The following ITPR1 variants were observed in gnomAD, a reference collection of about 807,000 sequenced individuals.
ITPR1 encodes the protein inositol 1,4,5-trisphosphate receptor type 1.
Under a neutral mutation model 318.4 loss-of-function variants are expected in ITPR1, and 96 were observed. The observed-to-expected ratio is 0.30, with a 90% CI of 0.26 to 0.36. The LOEUF is 0.36. ITPR1 is among the 10% of genes least tolerant of loss of function. The probability of loss-of-function intolerance (pLI) is 1.00; values close to 1 mark genes in which losing one functional copy is unlikely to be tolerated. For missense variants in ITPR1, 2,440 were observed against 3,460.2 expected (o/e 0.71, Z 7.40); for synonymous variants, 1,312 against 1,289.9 (o/e 1.02, Z -0.37).
At chr3:4,562,985 C>T (rs1253751079) in intron 4 of ITPR1, among the ~76,000 whole-genome samples, 45 of 152,034 alleles carry the variant, frequency 3.0e-4, no homozygotes, top group Admixed American at 2.9e-3. Context: ...CTAGATAGGG[C>T]AGTTAGGGAA....
chr3:4,788,830 C>T (rs116503962), intron 52 of ITPR1, among the ~76,000 whole-genome samples: 3,973 of 152,282 alleles, frequency 0.026, 60 homozygotes, highest in Non-Finnish European at 0.039. Context: ...TGATTTCTAT[C>T]TGTTCATCAG....
chr3:4,802,466 T>C (rs1027515904), intron 54 of ITPR1, among the ~76,000 whole-genome samples: 5 of 151,918 alleles, frequency 3.3e-5, no homozygotes, highest in Admixed American at 3.3e-4. Context: ...TTTGATTAGG[T>C]TTGAGAAGCC....
chr3:4,589,581 A>T (rs1484557938), intron 4 of ITPR1, among the ~76,000 whole-genome samples: 1 of 152,028 alleles, frequency 6.6e-6, no homozygotes, highest in Non-Finnish European at 1.5e-5. Flanking sequence ...CTAGTAGTGG[A>T]TCTCCTTGTT....
At chr3:4,774,424 A>G (rs144527973) in intron 46 of ITPR1, among the ~76,000 whole-genome samples, 98 of 152,296 alleles carry the variant, frequency 6.4e-4, no homozygotes, top group African/African-American at 2.2e-3. Flanking sequence ...ATCTTTTCCT[A>G]TTGCCCATTT....
intron 44 of ITPR1, among the ~76,000 whole-genome samples, chr3:4,764,263 T>C (rs2045657633): frequency 6.6e-6 from 1 of 152,252 alleles, no homozygotes; most frequent in Non-Finnish European, 1.5e-5. Flanking sequence ...TGAGCAATTT[T>C]CTAGAATTCA....
intron 54 of ITPR1, 111 bp from the exon 55 acceptor site, chr3:4,805,992 C>T (rs969272971): frequency 9.0e-6 from 8 of 893,588 alleles, no homozygotes; most frequent in South Asian, 6.0e-5. Flanking sequence ...GAAAAGGAAG[C>T]GTTTGTTTGG....
At position 4,766,695 on chromosome 3, in the gene ITPR1, C is replaced by T. The variant is rs2045839852; in HGVS notation, c.5710C>T (p.Pro1904Ser). The T allele has an allele frequency of 1.9e-6, 3 of 1,596,590 alleles. No individual in the cohort carries two copies. Among genetic ancestry groups the T allele is most frequent in the East Asian group, 4.5e-5 (2 of 44,658 alleles). ...KKDDEVDRDA[P>S]SRKKAKEPTT... ...AGACGATGAGGTAGACAGGGATGCCCCATCACGGAAAAAAGGTAAATGTTC... is the reference window on the plus strand; with the variant it reads ...AGACGATGAGGTAGACAGGGATGCCTCATCACGGAAAAAAGGTAAATGTTC... The change falls in exon 45 of 62, where the codon CCA becomes TCA. Residue 1904 changes from proline (P) to serine (S), a missense_variant. Transcript: ENST00000649015.
chr3:4,771,961 G>C (rs2046218624), intron 46 of ITPR1, among the ~76,000 whole-genome samples: 1 of 152,130 alleles, frequency 6.6e-6, no homozygotes, highest in African/African-American at 2.4e-5. Flanking sequence ...ATTGTAGGGA[G>C]CCCCCAGGGT....
chr3:4,529,775 G>A lies in ITPR1; in HGVS notation c.163+8681G>A, dbSNP rs114360045. On this transcript the variant is annotated intron_variant, in intron 4 of 61. Transcript: ENST00000649015. ...AAATGCAAATAATAGTGAATACCTT[G>A]TGTAGTGCTAAGAGACATTAGTGAA... is the stretch of plus-strand genomic sequence containing the variant. Among the ~76,000 whole-genome samples, 963 of 152,312 alleles carry A rather than the reference G, an allele frequency of 6.3e-3. 7 individuals are homozygous for A. The highest frequency in any genetic ancestry group is 0.022 in the African/African-American group (923 of 41,566).
chr3:4,739,894 A>G (rs1322273083), intron 44 of ITPR1, among the ~76,000 whole-genome samples: 5 of 152,112 alleles, frequency 3.3e-5, no homozygotes, highest in African/African-American at 1.2e-4. Flanking sequence ...AGCTGGGGGT[A>G]CTGCCTGGAG....
chr3:4,681,505 T>C, intron 26 of ITPR1, 87 bp downstream of exon 26: 1 of 921,426 alleles, frequency 1.1e-6, no homozygotes, highest in African/African-American at 1.6e-5. Flanking sequence ...TTAGTAAATA[T>C]TTAGTCTCTG....
intron 7 of ITPR1, among the ~76,000 whole-genome samples, chr3:4,642,850 G>A (rs997924052): frequency 2.6e-5 from 4 of 152,318 alleles, no homozygotes; most frequent in South Asian, 2.1e-4. Context: ...CAGCCATTAC[G>A]TGGGCATATA....
At chr3:4,495,196 C>T (rs978049210) in intron 2 of ITPR1, among the ~76,000 whole-genome samples, 8 of 143,490 alleles carry the variant, frequency 5.6e-5, no homozygotes, top group East Asian at 2.2e-4. Flanking sequence ...GAGGTTTCAA[C>T]GGGTGCACGT....
chr3:4,696,760 A>G (rs1031876559), intron 33 of ITPR1, among the ~76,000 whole-genome samples: 4 of 142,344 alleles, frequency 2.8e-5, no homozygotes, highest in South Asian at 2.2e-4. Flanking sequence ...GGGGGTATCT[A>G]TCATATAAGC....
chr3:4,564,499 C>A (rs1196795758), intron 4 of ITPR1, among the ~76,000 whole-genome samples: 2 of 152,120 alleles, frequency 1.3e-5, no homozygotes, highest in Admixed American at 1.3e-4. Context: ...AACGAATTAC[C>A]AAATGAGTCA....
At chr3:4,628,474 T>G (rs2092912068) in intron 5 of ITPR1, among the ~76,000 whole-genome samples, 1 of 152,234 alleles carries the variant, frequency 6.6e-6, no homozygotes, top group Admixed American at 6.5e-5. Flanking sequence ...CTGTTTCACC[T>G]TCTGTAAAAT....
chr3:4,584,746 T>C (rs2089709484), intron 4 of ITPR1, among the ~76,000 whole-genome samples: 1 of 152,042 alleles, frequency 6.6e-6, no homozygotes, highest in Admixed American at 6.6e-5. Flanking sequence ...GCTTTGCTTC[T>C]CCCTTCCAGC....
At chr3:4,615,557 G>A (rs533459338) in intron 4 of ITPR1, among the ~76,000 whole-genome samples, 2 of 151,998 alleles carry the variant, frequency 1.3e-5, no homozygotes, top group South Asian at 4.2e-4. Context: ...TGTATTTTTA[G>A]TAGAGATGGT....
At chr3:4,548,587 T>G (rs1450797164) in intron 4 of ITPR1, among the ~76,000 whole-genome samples, 1 of 152,160 alleles carries the variant, frequency 6.6e-6, no homozygotes, top group African/African-American at 2.4e-5. Context: ...TTGTCCTGTT[T>G]ATTGGAGTTG....
Sources: allele counts gnomAD v4.1 joint callset (sites outside exome capture counted in the v4.1 genomes callset), GRCh38; gene constraint gnomAD v4.1.1; transcripts MANE v1.5; gene names NCBI Gene and HGNC (gene_info 2026-07-23, HGNC 2026-07-21).